Variants in AGPAT3 observed in about 807,000 individuals in gnomAD.
AGPAT3 encodes 1-acylglycerol-3-phosphate O-acyltransferase 3.
Under a neutral mutation model 47.3 loss-of-function variants are expected in AGPAT3, and 5 were observed. That is an observed-to-expected ratio of 0.11 (90% confidence interval 0.06 to 0.22). AGPAT3 has a LOEUF of 0.22. Ranked by LOEUF, AGPAT3 falls within the 10% of genes least tolerant of loss-of-function variation. The pLI is 1.00. For synonymous variants in AGPAT3, 212 were observed against 208.3 expected (o/e 1.02, Z -0.15); for missense variants, 315 against 493.0 (o/e 0.64, Z 3.42).
intron 2 of AGPAT3, among the ~76,000 whole-genome samples, chr21:43,906,456 T>C (rs535835757): frequency 2.0e-5 from 3 of 152,240 alleles, no homozygotes; most frequent in East Asian, 3.9e-4. Flanking sequence ...GCAACTCAAT[T>C]GGTTATCAGA....
In AGPAT3 at chr21:43,985,074, C is replaced by T. The variant is rs780684055; in HGVS notation, c.*2682C>T. On this transcript the variant is annotated 3_prime_UTR_variant, in exon 10 of 10. Transcript: ENST00000291572. The stretch of plus-strand genomic sequence containing the variant: ...GGCTCCCAGGCGGGAGGGCCCAGGC[C>T]CACCCACGGGCGTCTGGCCGGTCAA... 2.2e-6 allele frequency: 1 copy of T among 455,748 alleles called. No homozygotes were observed. Among genetic ancestry groups the T allele is most frequent in the South Asian group, 1.6e-5 (1 of 64,502 alleles). The allele number at this position is 455,748 out of a possible 1,614,324, so 28.2% of individuals were successfully genotyped here.
At chr21:43,919,899 C>T (rs1200163849) in intron 2 of AGPAT3, 1 of 152,282 alleles carries the variant, frequency 6.6e-6, no homozygotes, top group African/African-American at 2.4e-5. Context: ...CTGACGCAAG[C>T]ATGGGTGTCT....
rs1013387687 is a variant in AGPAT3, at chr21:43,982,196, C to CA, written c.1043-107dup. 1 of 790,440 alleles carries CA rather than the reference C, an allele frequency of 1.3e-6. No individual in the cohort carries two copies. The highest frequency in any genetic ancestry group is 1.7e-5 in the African/African-American group (1 of 57,860). 49.0% of individuals were successfully genotyped at this position (790,440 alleles called of 1,614,324 possible). A position where few individuals can be genotyped will look rare whatever the true frequency, so the allele number is the denominator to read the frequency against. ...ACAGCAGAGGCCACTGGGTGCGGGG[C>CA]AGAGGGACAGGGTCTGGGGCAGAGG... On this transcript the variant is annotated intron_variant, in intron 9 of 9. Transcript: ENST00000291572. The surrounding 1 kb of genome is among the most constrained non-coding windows in gnomAD (Gnocchi z 6.2).
chr21:43,884,021 C>T (rs531728292), intron 1 of AGPAT3, among the ~76,000 whole-genome samples: 3 of 152,228 alleles, frequency 2.0e-5, no homozygotes, highest in African/African-American at 7.2e-5. Flanking sequence ...TGAGCCACCA[C>T]GCCTGGCCAG....
At chr21:43,940,760 GCT>G (rs2087627100) in intron 2 of AGPAT3, among the ~76,000 whole-genome samples, 1 of 152,254 alleles carries the variant, frequency 6.6e-6, no homozygotes, top group Non-Finnish European at 1.5e-5. Context: ...AAGTGGCGCT[GCT>G]CTGTCACACC....
At chr21:43,879,537 G>T (rs540870657) in intron 1 of AGPAT3, among the ~76,000 whole-genome samples, 15 of 150,832 alleles carry the variant, frequency 9.9e-5, no homozygotes, top group African/African-American at 3.4e-4. Flanking sequence ...CTGGGTGGCC[G>T]TGGGCTTGGA....
intron 1 of AGPAT3, among the ~76,000 whole-genome samples, chr21:43,890,838 A>G (rs930302740): frequency 4.6e-5 from 7 of 152,110 alleles, no homozygotes; most frequent in African/African-American, 1.7e-4. Context: ...CCCAGGTTAA[A>G]GTGATTCTCC....
Position 43,939,022 on chromosome 21 carries a change from AG to A in AGPAT3, c.-48-20611del, listed in dbSNP as rs1277386771. ...CTGAGCTGAGCGGTTCCCACCTCTC[AG>A]TCCACAGTTTCCCACAGAGCACGCA... On this transcript the variant is annotated intron_variant, in intron 2 of 9. Transcript: ENST00000291572. This position sits in a 1 kb window ranked among gnomAD's most constrained non-coding sequence, Gnocchi z 4.4. Among the ~76,000 whole-genome samples, 2 of 152,232 alleles carry A rather than the reference AG, an allele frequency of 1.3e-5. No individual in the cohort carries two copies. Among genetic ancestry groups the A allele is most frequent in the Non-Finnish European group, 2.9e-5 (2 of 68,026 alleles).
In AGPAT3 at chr21:43,982,450, C is replaced by T; in HGVS notation, c.*58C>T. On this transcript the variant is annotated 3_prime_UTR_variant, in exon 10 of 10. Transcript: ENST00000291572. The surrounding 1 kb of genome is among the most constrained non-coding windows in gnomAD (Gnocchi z 6.2). ...ACGGTGGTATCCAGTTAACTCAAAA[C>T]CAACACACAGAGTGCAGGAAAAGAC... The T allele has an allele frequency of 7.9e-7, 1 of 1,266,010 alleles. No individual in the cohort carries two copies. The highest frequency in any genetic ancestry group is 1.1e-6 in the Non-Finnish European group (1 of 870,778). The allele number at this position is 1,266,010 out of a possible 1,614,324, so 78.4% of individuals were successfully genotyped here.
At chr21:43,941,641 G>A (rs533404297) in intron 2 of AGPAT3, among the ~76,000 whole-genome samples, 1 of 152,332 alleles carries the variant, frequency 6.6e-6, no homozygotes, top group African/African-American at 2.4e-5. Context: ...TCGGTCATTG[G>A]TGAGGGTTCC....
chr21:43,911,447 G>A (rs572709238), intron 2 of AGPAT3, among the ~76,000 whole-genome samples: 2 of 152,370 alleles, frequency 1.3e-5, no homozygotes, highest in Admixed American at 1.3e-4. Flanking sequence ...GGCCAACGCA[G>A]CGAGGCCTGT....
intron 3 of AGPAT3, among the ~76,000 whole-genome samples, chr21:43,963,754 G>A (rs1357462429): frequency 3.3e-5 from 5 of 150,980 alleles, no homozygotes; most frequent in East Asian, 3.9e-4. Context: ...TCGAATCCCC[G>A]GAGAGGAAAG....
At chr21:43,917,999 G>T (rs1162604105) in intron 2 of AGPAT3, among the ~76,000 whole-genome samples, 31 of 131,228 alleles carry the variant, frequency 2.4e-4, no homozygotes, top group Non-Finnish European at 4.7e-4. Context: ...GTGTTGTGGG[G>T]GTTGTGGGTG....
chr21:43,974,896 G>T (rs1444474705), intron 7 of AGPAT3, among the ~76,000 whole-genome samples: 1 of 152,206 alleles, frequency 6.6e-6, no homozygotes, highest in African/African-American at 2.4e-5. Flanking sequence ...GTTGAACCTG[G>T]GGCCAATGTG....
intron 2 of AGPAT3, among the ~76,000 whole-genome samples, chr21:43,911,308 C>A (rs1410126831): frequency 6.6e-6 from 1 of 152,206 alleles, no homozygotes; most frequent in Non-Finnish European, 1.5e-5. Context: ...AGCACAGTTA[C>A]CTGATTATCA....
At chr21:43,945,406 TCA>T (rs2087841773) in intron 2 of AGPAT3, among the ~76,000 whole-genome samples, 1 of 152,232 alleles carries the variant, frequency 6.6e-6, no homozygotes, top group African/African-American at 2.4e-5. Context: ...TCATTTCACT[TCA>T]CGTTTTATTG....
intron 3 of AGPAT3, chr21:43,967,659 A>C (rs2089194338): frequency 2.6e-6 from 1 of 382,950 alleles, no homozygotes; most frequent in Admixed American, 4.1e-5. Context: ...ACTCGGCCAC[A>C]CCAAGGTGCA....
intron 1 of AGPAT3, among the ~76,000 whole-genome samples, chr21:43,885,368 A>G (rs1052268441): frequency 6.7e-5 from 10 of 150,172 alleles, no homozygotes; most frequent in Non-Finnish European, 1.2e-4. Context: ...TTTTCTACTT[A>G]TGATTGCCAG....
In AGPAT3 at chr21:43,918,047, G is replaced by C. The variant is rs1453820482; in HGVS notation, c.-49+14028G>C. Among the ~76,000 whole-genome samples, 4 of 72,100 alleles carry C rather than the reference G, an allele frequency of 5.5e-5. No homozygotes were observed. The East Asian group carries it at 9.5e-4, about 17-fold the overall frequency. The allele number at this position is 72,100 out of a possible 152,430, so 47.3% of individuals were successfully genotyped here. On this transcript the variant is annotated intron_variant, in intron 2 of 9. Transcript: ENST00000291572. ...GTGTTGTAGGGGTTGTTGGTGTTGT[G>C]GGGGTTGTGGGTGTTGGGGTTGTGG...
Sources: allele counts gnomAD v4.1 joint callset (sites outside exome capture counted in the v4.1 genomes callset), GRCh38; gene constraint gnomAD v4.1.1; non-coding constraint Gnocchi (gnomAD v3.1); transcripts MANE v1.5; gene names NCBI Gene and HGNC (gene_info 2026-07-23, HGNC 2026-07-21).